Variants in TRAPPC9 observed in about 807,000 individuals in gnomAD.
TRAPPC9 encodes IKK2 binding protein.
A neutral mutation model predicts 124.0 loss-of-function variants in TRAPPC9; 83 were observed. The observed-to-expected ratio is 0.67, with a 90% CI of 0.56 to 0.80. TRAPPC9 has a LOEUF of 0.80. TRAPPC9 is among the 30% of genes least tolerant of loss of function. The probability of loss-of-function intolerance (pLI) is 0.00; values close to 1 mark genes in which losing one functional copy is unlikely to be tolerated. For missense variants in TRAPPC9, 1,302 were observed against 1,508.3 expected, an observed-to-expected ratio of 0.86 and a Z score of 2.27; for synonymous variants, 638 against 617.5, an observed-to-expected ratio of 1.03 and a Z score of -0.49.
intron 2 of TRAPPC9, among the ~76,000 whole-genome samples, chr8:140,440,033 G>A (rs895009311): frequency 6.6e-6 from 1 of 152,024 alleles, no homozygotes; most frequent in African/African-American, 2.4e-5. Flanking sequence ...TAACTCTAAC[G>A]AGTTCAACAA....
In TRAPPC9 at chr8:140,291,052, A is replaced by T; in HGVS notation, c.1795T>A (p.Cys599Ser). Residue 599 changes from cysteine to serine, a missense_variant, in exon 12 of 23, where the codon TGT (cysteine) becomes AGT (serine). Coordinates refer to ENST00000438773, the MANE Select transcript of TRAPPC9 (RefSeq NM_001160372.4). ...IDFQWVQGDV[C>S]EVQLMVYNPM... Reference sequence around the variant, plus strand: ...TTATATACCATCAGCTGAACTTCACACACATCTCCTTGAACCCACTGGAAA... The same window carrying T: ...TTATATACCATCAGCTGAACTTCACTCACATCTCCTTGAACCCACTGGAAA... 1 of 1,614,258 alleles carries T rather than the reference A, an allele frequency of 6.2e-7. No homozygotes were observed.
intron 5 of TRAPPC9, among the ~76,000 whole-genome samples, chr8:140,418,987 G>T (rs901892910): frequency 6.6e-6 from 1 of 152,080 alleles, no homozygotes; most frequent in African/African-American, 2.4e-5. Flanking sequence ...ACACCCTTTC[G>T]TGATGGCACT....
chr8:139,737,564 T>G (rs957087287), intron 21 of TRAPPC9, among the ~76,000 whole-genome samples: 2 of 149,630 alleles, frequency 1.3e-5, no homozygotes, highest in Non-Finnish European at 3.0e-5. Flanking sequence ...TCGGGCTTCC[T>G]GCCACCCTCC....
chr8:139,856,936 GAC>G (rs1269948280), intron 21 of TRAPPC9, among the ~76,000 whole-genome samples: 1 of 152,116 alleles, frequency 6.6e-6, no homozygotes, highest in Non-Finnish European at 1.5e-5. Flanking sequence ...TGAGCACAGG[GAC>G]ACAGAGATGA....
chr8:140,021,966 T>C (rs1839858402), intron 18 of TRAPPC9, among the ~76,000 whole-genome samples: 1 of 152,174 alleles, frequency 6.6e-6, no homozygotes, highest in African/African-American at 2.4e-5. Flanking sequence ...ATCCCAGCAA[T>C]GGCGAGGAGC....
chr8:140,038,353 CCT>C (rs1481653739), intron 17 of TRAPPC9, among the ~76,000 whole-genome samples: 18 of 152,306 alleles, frequency 1.2e-4, no homozygotes, highest in African/African-American at 4.1e-4. Flanking sequence ...GCCTGACACC[CCT>C]GAGGCTGCAT....
At chr8:140,153,307 T>C (rs6996708) in intron 17 of TRAPPC9, among the ~76,000 whole-genome samples, 115,858 of 151,950 alleles carry the variant, frequency 0.76, 45,306 homozygotes, top group African/African-American at 0.94. Context: ...ACATACGCTG[T>C]TACTTCTTCC....
At chr8:140,069,350 T>C (rs1843025156) in intron 17 of TRAPPC9, among the ~76,000 whole-genome samples, 1 of 152,086 alleles carries the variant, frequency 6.6e-6, no homozygotes, top group South Asian at 2.1e-4. Context: ...CTCAGTCTAT[T>C]CCTCTAAACA....
intron 18 of TRAPPC9, among the ~76,000 whole-genome samples, chr8:139,993,260 A>G (rs1001909148): frequency 3.3e-5 from 5 of 152,236 alleles, no homozygotes; most frequent in African/African-American, 1.2e-4. Flanking sequence ...AGCAAAGGAC[A>G]AGAATCAATA....
Position 139,923,238 on chromosome 8 carries a change from G to A in TRAPPC9, c.2811-12938C>T, listed in dbSNP as rs117549070. On this transcript the variant is annotated intron_variant, in intron 19 of 22. Coordinates refer to ENST00000438773, the MANE Select transcript of TRAPPC9 (RefSeq NM_001160372.4). ...AGCTGAACCTATACAAGAAGACTAC[G>A]TTGCAGCAATCTTTTTCGACAGAAA... is the stretch of plus-strand genomic sequence containing the variant. Among the ~76,000 whole-genome samples the A allele has an allele frequency of 3.9e-3, 599 of 152,244 alleles. 2 individuals are homozygous for A. The highest frequency in any genetic ancestry group is 6.4e-3 in the Non-Finnish European group (438 of 68,016).
In TRAPPC9 at chr8:140,300,593, A is replaced by G; in HGVS notation, c.1644T>C (p.Leu548=). 1 of 1,614,260 alleles carries G rather than the reference A, an allele frequency of 6.2e-7. No homozygotes were observed. Among genetic ancestry groups the G allele is most frequent in the Non-Finnish European group, 8.5e-7 (1 of 1,180,044 alleles). Residue 548 remains leucine, a synonymous_variant, in exon 11 of 23, where the codon CTT becomes CTC. Coordinates refer to ENST00000438773, the MANE Select transcript of TRAPPC9 (RefSeq NM_001160372.4). ...TTTTGTGTGGCCGGAGGCTAGCAGG[A>G]AGGTTCAATAGTTTCACATGCCTGT... ...PIVRHVKLLN[L]PASLRPHKMK... is the part of the protein sequence containing the mutation.
chr8:140,185,152 G>A (rs1248996256), intron 17 of TRAPPC9, among the ~76,000 whole-genome samples: 1 of 152,120 alleles, frequency 6.6e-6, no homozygotes, highest in Non-Finnish European at 1.5e-5. Flanking sequence ...CACCATGTAC[G>A]CTGAGTACGG....
chr8:140,006,757 T>C (rs1838781700), intron 18 of TRAPPC9, among the ~76,000 whole-genome samples: 1 of 152,164 alleles, frequency 6.6e-6, no homozygotes, highest in Non-Finnish European at 1.5e-5. Context: ...ATGAAATATC[T>C]AGAGTAAGCA....
At chr8:139,965,677 T>G (rs758236120) in intron 19 of TRAPPC9, among the ~76,000 whole-genome samples, 8 of 61,618 alleles carry the variant, frequency 1.3e-4, no homozygotes, top group Non-Finnish European at 2.9e-4. Flanking sequence ...CAACCAAACC[T>G]CTGCTTCCCT....
intron 7 of TRAPPC9, among the ~76,000 whole-genome samples, chr8:140,387,578 A>G (rs1041630841): frequency 3.3e-5 from 5 of 152,246 alleles, no homozygotes; most frequent in African/African-American, 1.2e-4. Flanking sequence ...ATGAACAGAC[A>G]CTTCTCAAAA....
rs181025290 is a variant in TRAPPC9 at position 140,368,997 on chromosome 8, C to T, written c.1351+1967G>A. Among the ~76,000 whole-genome samples, 83 of 152,342 alleles carry T rather than the reference C, an allele frequency of 5.4e-4. No individual in the cohort carries two copies. In the East Asian group the frequency reaches 0.015, roughly 28 times the overall value. On this transcript the variant is annotated intron_variant, in intron 8 of 22. Transcript: ENST00000438773. ...ACCATGTACTAATGTAAACACAGTT[C>T]CATGGTGTGCGTGCCGTCCATGGCT...
Position 139,776,408 on chromosome 8 carries a change from G to A in TRAPPC9, c.3056-44206C>T, listed in dbSNP as rs115391985. On this transcript the variant is annotated intron_variant, in intron 21 of 22. Transcript: ENST00000438773. The surrounding 1 kb of genome is among the most constrained non-coding windows in gnomAD (Gnocchi z 4.1). Reference sequence around the variant, plus strand: ...ACCCAAAGAGAGGTCACAACGAATTGGGAAGGATGGGGTGGCACCAGGGTG... The same window carrying A: ...ACCCAAAGAGAGGTCACAACGAATTAGGAAGGATGGGGTGGCACCAGGGTG... 6.2e-3 allele frequency among the ~76,000 whole-genome samples: 939 copies of A among 152,358 alleles called. 10 individuals carry two copies. Among genetic ancestry groups the A allele is most frequent in the African/African-American group, 0.021 (888 of 41,588 alleles).
chr8:140,455,640 G>A (rs550808841), intron 1 of TRAPPC9, among the ~76,000 whole-genome samples: 5 of 151,202 alleles, frequency 3.3e-5, no homozygotes, highest in Admixed American at 1.3e-4. Context: ...CATGTTGGCC[G>A]GGATGGTCTC....
At chr8:140,370,127 TG>T (rs1369100669) in intron 8 of TRAPPC9, among the ~76,000 whole-genome samples, 4 of 67,838 alleles carry the variant, frequency 5.9e-5, no homozygotes, top group African/African-American at 5.0e-4. Flanking sequence ...CCCTCAAAAA[TG>T]TTTTTTTTTT....
Sources: allele counts gnomAD v4.1 joint callset (sites outside exome capture counted in the v4.1 genomes callset), GRCh38; gene constraint gnomAD v4.1.1; non-coding constraint Gnocchi (gnomAD v3.1); transcripts MANE v1.5; gene names NCBI Gene and HGNC (gene_info 2026-07-23, HGNC 2026-07-21).